Variants in ANKRD13A observed in about 807,000 individuals in gnomAD.
ANKRD13A encodes ankyrin repeat domain-containing protein 13A.
In ANKRD13A, 48 loss-of-function variants were observed where a neutral mutation model predicts 81.3. The ratio of observed to expected loss-of-function variants is 0.59; its 90% CI spans 0.47 to 0.75. ANKRD13A has a LOEUF of 0.75. Among genes scored for constraint, ANKRD13A ranks in the 30% least tolerant of loss-of-function variants. The pLI, the probability that ANKRD13A is intolerant of heterozygous loss-of-function variation, is 0.00. For missense variants in ANKRD13A, 612 were observed against 734.0 expected (o/e 0.83, Z 1.92); for synonymous variants, 230 against 270.1 (o/e 0.85, Z 1.45).
chr12:110,012,944 A>G (rs1320762354), intron 2 of ANKRD13A, among the ~76,000 whole-genome samples, 181 bp from the exon 3 acceptor site: 2 of 151,954 alleles, frequency 1.3e-5, no homozygotes, highest in Admixed American at 6.6e-5. Flanking sequence ...TGCTAAGGGT[A>G]CTCTATGTTT....
intron 9 of ANKRD13A, 138 bp from the exon 10 acceptor site, chr12:110,028,374 T>TC (rs1317540108): frequency 2.3e-6 from 2 of 885,186 alleles, no homozygotes; most frequent in African/African-American, 3.4e-5. Flanking sequence ...ATTTTCTTGT[T>TC]CCATGCAAAA....
At chr12:110,031,384 C>T (rs1182527837) in intron 12 of ANKRD13A, among the ~76,000 whole-genome samples, 1 of 150,722 alleles carries the variant, frequency 6.6e-6, no homozygotes. Flanking sequence ...CAGAGTCTCA[C>T]TCTGTCACCT....
rs1890398128 is a variant in ANKRD13A at position 110,009,415 on chromosome 12, A to G, written c.97-2590A>G. On this transcript the variant is annotated intron_variant, in intron 1 of 14. Transcript: ENST00000261739. ...CTTTTATAATCCTTTTTATTTCTGT[A>G]GAGTTGCTAATATTCCATCTTTAAT... 1.3e-5 allele frequency among the ~76,000 whole-genome samples: 2 copies of G among 152,086 alleles called. 1 individual carries two copies. The highest frequency in any genetic ancestry group is 4.2e-4 in the South Asian group (2 of 4,818).
chr12:110,019,964 C>A (rs1298662521), intron 6 of ANKRD13A, among the ~76,000 whole-genome samples: 1 of 152,150 alleles, frequency 6.6e-6, no homozygotes, highest in Admixed American at 6.6e-5. Flanking sequence ...CATGGGGGGG[C>A]CTTTGAGTAG....
intron 13 of ANKRD13A, among the ~76,000 whole-genome samples, chr12:110,035,411 C>T (rs543484064): frequency 3.2e-4 from 49 of 152,106 alleles, no homozygotes; most frequent in African/African-American, 1.2e-3. Flanking sequence ...CTGAGACCAG[C>T]CTGGGCAACA....
intron 9 of ANKRD13A, 22 bp from the exon 10 acceptor site, chr12:110,028,490 C>G: frequency 6.2e-7 from 1 of 1,613,456 alleles, no homozygotes; most frequent in Non-Finnish European, 8.5e-7. Flanking sequence ...ATTTCTGACT[C>G]TCCTGAGTTC....
intron 12 of ANKRD13A, among the ~76,000 whole-genome samples, chr12:110,031,106 C>CA (rs889010212): frequency 1.2e-3 from 161 of 133,920 alleles, no homozygotes; most frequent in African/African-American, 3.2e-3. Context: ...AACTACATCT[C>CA]AAAAAAAAAA....
chr12:110,024,575 C>T (rs741374), intron 7 of ANKRD13A, among the ~76,000 whole-genome samples: 5 of 152,172 alleles, frequency 3.3e-5, no homozygotes, highest in Admixed American at 2.0e-4. Context: ...ATAGTGGAGA[C>T]GATTGTTGAT....
intron 6 of ANKRD13A, among the ~76,000 whole-genome samples, chr12:110,019,621 A>T (rs577053359): frequency 6.6e-6 from 1 of 152,244 alleles, no homozygotes; most frequent in East Asian, 1.9e-4. Context: ...ATTTTACTTG[A>T]ATCCTATTTT....
chr12:110,025,065 A>G (rs572125153), intron 7 of ANKRD13A, among the ~76,000 whole-genome samples: 4 of 152,212 alleles, frequency 2.6e-5, no homozygotes, highest in Non-Finnish European at 4.4e-5. Context: ...TTACAAGACT[A>G]CCAGCGGAGG....
chr12:110,037,401 C>A lies in ANKRD13A; in HGVS notation c.1620C>A (p.Cys540Ter). The A allele has an allele frequency of 6.2e-7, 1 of 1,614,190 alleles. No individual in the cohort carries two copies. Among genetic ancestry groups the A allele is most frequent in the Non-Finnish European group, 8.5e-7 (1 of 1,180,018 alleles). The change falls in exon 15 of 15, where the codon TGC becomes TGA. Residue 540 changes from cysteine to a stop codon, truncating the protein, a stop_gained. Transcript: ENST00000261739. LOFTEE classifies it high-confidence loss of function. ...TCCTCACCAGCACAGAAGGCCTGTG[C>A]CCCAGCGCCCTGAGCGAGACAAGCC... is the stretch of plus-strand genomic sequence containing the variant. ...ESLLTSTEGLCPSALSETSRF... is the reference protein window; with the variant it reads ...ESLLTSTEGL
At chr12:110,002,144 T>C (rs1427502266) in intron 1 of ANKRD13A, among the ~76,000 whole-genome samples, 4 of 152,158 alleles carry the variant, frequency 2.6e-5, no homozygotes, top group Non-Finnish European at 5.9e-5. Flanking sequence ...TTCAAGATTA[T>C]GGAGAATAAA....
chr12:110,016,117 T>G (rs1298321970), intron 3 of ANKRD13A, among the ~76,000 whole-genome samples: 4 of 151,774 alleles, frequency 2.6e-5, no homozygotes, highest in Admixed American at 6.6e-5. Flanking sequence ...GCCAGCTACT[T>G]TCTGTATTTT....
rs751306654 is a variant in ANKRD13A, at chr12:110,028,606, T to C, written c.1040T>C (p.Ile347Thr). The change falls in exon 10 of 15, where the codon ATT (isoleucine) becomes ACT (threonine). Residue 347 changes from isoleucine to threonine, a missense_variant. By Grantham distance (89) the Ile-to-Thr change is moderately conservative. Coordinates refer to ENST00000261739, the MANE Select transcript of ANKRD13A (RefSeq NM_033121.2). ...GAGTTTGATCTGAAAGACAGGGACA[T>C]TGGAAGGCCGAAAGAGCTGACGATT... ...NEEFDLKDRD[I>T]GRPKELTIRT... 35 of 1,614,188 alleles carry C rather than the reference T, an allele frequency of 2.2e-5. No homozygotes were observed. The highest frequency in any genetic ancestry group is 3.0e-5 in the Non-Finnish European group (35 of 1,180,032).
intron 1 of ANKRD13A, among the ~76,000 whole-genome samples, chr12:110,007,593 T>A (rs1407424235): frequency 6.6e-6 from 1 of 152,162 alleles, no homozygotes; most frequent in Non-Finnish European, 1.5e-5. Flanking sequence ...TTGGTCAGGC[T>A]GGTCTCGAAC....
chr12:110,020,881 G>A (rs1891043155), intron 6 of ANKRD13A, among the ~76,000 whole-genome samples: 3 of 152,188 alleles, frequency 2.0e-5, no homozygotes, highest in Admixed American at 2.0e-4. Context: ...GAGTGAATCT[G>A]GAGATGAAAT....
chr12:110,028,020 C>G, intron 9 of ANKRD13A: 2 of 476,278 alleles, frequency 4.2e-6, no homozygotes, highest in Non-Finnish European at 7.5e-6. Flanking sequence ...AAACGAGGGG[C>G]CTCTTTATAG....
chr12:110,017,175 G>A (rs1890844110), intron 4 of ANKRD13A, among the ~76,000 whole-genome samples: 1 of 152,132 alleles, frequency 6.6e-6, no homozygotes, highest in Non-Finnish European at 1.5e-5. Flanking sequence ...CCCCCAAATT[G>A]CTGGGATTAC....
At chr12:110,000,639 G>A (rs1479275535) in intron 1 of ANKRD13A, among the ~76,000 whole-genome samples, 1 of 152,052 alleles carries the variant, frequency 6.6e-6, no homozygotes, top group Non-Finnish European at 1.5e-5. Flanking sequence ...GGTAGAGGCC[G>A]GTTATGCTGC....
Sources: allele counts gnomAD v4.1 joint callset (sites outside exome capture counted in the v4.1 genomes callset), GRCh38; gene constraint gnomAD v4.1.1; transcripts MANE v1.5; gene names NCBI Gene and HGNC (gene_info 2026-07-23, HGNC 2026-07-21).